Variants in KCNJ3 observed in about 807,000 individuals in gnomAD.
The protein encoded by KCNJ3 is potassium inwardly rectifying channel subfamily J member 3, also known as G protein-activated inward rectifier potassium channel 1.
In KCNJ3, 4 loss-of-function variants were observed where a neutral mutation model predicts 39.2. That is an observed-to-expected ratio of 0.10 (90% CI 0.05 to 0.23). The LOEUF is 0.23. KCNJ3 is among the 10% of genes least tolerant of loss of function. The pLI is 1.00. For missense variants in KCNJ3, 276 were observed against 634.9 expected, an observed-to-expected ratio of 0.43 and a Z score of 6.08; for synonymous variants, 230 against 237.4, an observed-to-expected ratio of 0.97 and a Z score of 0.29.
At chr2:154,835,404 T>C (rs1238563378) in intron 2 of KCNJ3, among the ~76,000 whole-genome samples, 2 of 142,236 alleles carry the variant, frequency 1.4e-5, no homozygotes, top group Non-Finnish European at 3.1e-5. Context: ...CAAAGGGATG[T>C]TAAAATTTGC....
At chr2:154,736,188 C>G (rs778939910) in intron 2 of KCNJ3, among the ~76,000 whole-genome samples, 1 of 151,772 alleles carries the variant, frequency 6.6e-6, no homozygotes, top group Admixed American at 6.6e-5. Flanking sequence ...CTAAGTTTGT[C>G]ATACATTGAT....
rs558747649 is a variant in KCNJ3, at chr2:154,741,673, T to C, written c.919+31854T>C. On this transcript the variant is annotated intron_variant, in intron 2 of 2. Transcript: ENST00000295101. ...GAAAACAGAATTTAGAAGATTGACT[T>C]GAGGTTTATGATGGCAGATTAAACA... Among the ~76,000 whole-genome samples, 46 of 152,020 alleles carry C rather than the reference T, an allele frequency of 3.0e-4. No individual in the cohort carries two copies. The South Asian group carries it at 4.1e-3, about 14-fold the overall frequency.
chr2:154,824,275 G>A (rs1687232454), intron 2 of KCNJ3, among the ~76,000 whole-genome samples: 1 of 152,124 alleles, frequency 6.6e-6, no homozygotes, highest in Non-Finnish European at 1.5e-5. Context: ...GGTCATGGGT[G>A]CAGTAAGCTG....
chr2:154,787,622 G>C (rs750223441), intron 2 of KCNJ3, among the ~76,000 whole-genome samples: 21 of 151,814 alleles, frequency 1.4e-4, no homozygotes, highest in Non-Finnish European at 2.6e-4. Flanking sequence ...ACAACAAGTA[G>C]CAATTAATAC....
intron 2 of KCNJ3, among the ~76,000 whole-genome samples, chr2:154,749,210 C>G (rs1050008892): frequency 1.3e-5 from 2 of 152,000 alleles, no homozygotes; most frequent in Admixed American, 6.6e-5. Flanking sequence ...GTAATAGATT[C>G]ATTGACAAGT....
At position 154,765,557 on chromosome 2, in the gene KCNJ3, T is replaced by G. The variant is rs141087363; in HGVS notation, c.919+55738T>G. Among the ~76,000 whole-genome samples the G allele has an allele frequency of 7.3e-3, 1,112 of 152,346 alleles. 10 individuals are homozygous for G. The highest frequency in any genetic ancestry group is 0.012 in the Non-Finnish European group (847 of 68,038). On this transcript the variant is annotated intron_variant, in intron 2 of 2. Transcript: ENST00000295101. ...TTTGTGAACTGAATGATCTTTGATT[T>G]TGGTTCTGTTTATTCCTACTACATA...
chr2:154,735,033 C>T (rs1685503119), intron 2 of KCNJ3, among the ~76,000 whole-genome samples: 1 of 151,568 alleles, frequency 6.6e-6, no homozygotes, highest in Non-Finnish European at 1.5e-5. Context: ...ATAGTGACGG[C>T]TTTAGCTATC....
intron 2 of KCNJ3, among the ~76,000 whole-genome samples, chr2:154,752,081 C>T (rs1685854424): frequency 6.6e-6 from 1 of 152,030 alleles, no homozygotes; most frequent in Admixed American, 6.6e-5. Context: ...GGCAATGTAA[C>T]TTCCTTTATT....
intron 2 of KCNJ3, among the ~76,000 whole-genome samples, chr2:154,741,370 C>T (rs1242909465): frequency 6.6e-6 from 1 of 151,740 alleles, no homozygotes. Context: ...ATTCAAACTA[C>T]CTTTTAAACA....
intron 2 of KCNJ3, among the ~76,000 whole-genome samples, chr2:154,827,396 C>T (rs377224681): frequency 7.0e-4 from 106 of 152,196 alleles, no homozygotes; most frequent in Middle Eastern, 3.4e-3. Flanking sequence ...TATTATCGTC[C>T]TGTGACTTAA....
intron 2 of KCNJ3, among the ~76,000 whole-genome samples, chr2:154,797,655 C>A (rs1686745510): frequency 6.6e-6 from 1 of 151,906 alleles, no homozygotes; most frequent in African/African-American, 2.4e-5. Flanking sequence ...TAAATATATT[C>A]ATATAAAATC....
At chr2:154,730,276 G>A (rs1036014094) in intron 2 of KCNJ3, among the ~76,000 whole-genome samples, 24 of 151,976 alleles carry the variant, frequency 1.6e-4, no homozygotes. Context: ...AAAAAATTGA[G>A]TAGTTTTAGT....
At chr2:154,749,374 G>T (rs1685799652) in intron 2 of KCNJ3, among the ~76,000 whole-genome samples, 1 of 152,076 alleles carries the variant, frequency 6.6e-6, no homozygotes, top group African/African-American at 2.4e-5. Flanking sequence ...GCTTCGTTAT[G>T]GTTCCTGCAG....
At chr2:154,800,599 C>T (rs1004251107) in intron 2 of KCNJ3, among the ~76,000 whole-genome samples, 2 of 152,020 alleles carry the variant, frequency 1.3e-5, no homozygotes, top group Non-Finnish European at 2.9e-5. Context: ...TTAATTGAGC[C>T]TTAGTATTTA....
intron 2 of KCNJ3, among the ~76,000 whole-genome samples, chr2:154,754,064 A>T (rs947087648): frequency 5.3e-5 from 8 of 152,162 alleles, no homozygotes; most frequent in Non-Finnish European, 1.2e-4. Context: ...TTACTTTAGA[A>T]TAGTTTTGGA....
chr2:154,767,943 G>T (rs918541551), intron 2 of KCNJ3, among the ~76,000 whole-genome samples: 1 of 152,108 alleles, frequency 6.6e-6, no homozygotes. Context: ...GCCAGTGATG[G>T]TGAGCATTTT....
In KCNJ3 at chr2:154,851,050, G is replaced by A. The variant is rs116254247; in HGVS notation, c.920-3677G>A. On this transcript the variant is annotated intron_variant, in intron 2 of 2. Coordinates refer to ENST00000295101, the MANE Select transcript of KCNJ3 (RefSeq NM_002239.4). Reference sequence around the variant, plus strand: ...GGATTACTTGAGGCTAGGAATTTGAGAGCAGCCTTTTGTGAGACCCCATCT... The same window carrying A: ...GGATTACTTGAGGCTAGGAATTTGAAAGCAGCCTTTTGTGAGACCCCATCT... Among the ~76,000 whole-genome samples the A allele has an allele frequency of 2.4e-3, 362 of 152,012 alleles. 2 individuals carry two copies. The highest frequency in any genetic ancestry group is 8.2e-3 in the African/African-American group (338 of 41,458).
In KCNJ3 at chr2:154,699,123, C is replaced by G. The variant is rs372475497; in HGVS notation, c.348C>G (p.His116Gln). Residue 116 changes from histidine to glutamine, a missense_variant, in exon 1 of 3, where the codon CAC becomes CAG. Coordinates refer to ENST00000295101, the MANE Select transcript of KCNJ3 (RefSeq NM_002239.4). This position sits in a 1 kb window ranked among gnomAD's most constrained non-coding sequence, Gnocchi z 6.4. ...CTCGGGGCGACCTGAACAAAGCCCACGTCGGTAACTACACGCCTTGCGTGG... is the reference window on the plus strand; with the variant it reads ...CTCGGGGCGACCTGAACAAAGCCCAGGTCGGTAACTACACGCCTTGCGTGG... ...AYTRGDLNKAHVGNYTPCVAN... is the reference protein window; with the variant it reads ...AYTRGDLNKAQVGNYTPCVAN... 5.0e-6 allele frequency: 8 copies of G among 1,614,244 alleles called. No individual in the cohort carries two copies. Among genetic ancestry groups the G allele is most frequent in the Non-Finnish European group, 6.8e-6 (8 of 1,180,050 alleles).
At chr2:154,818,389 A>T (rs1687116250) in intron 2 of KCNJ3, among the ~76,000 whole-genome samples, 2 of 152,128 alleles carry the variant, frequency 1.3e-5, no homozygotes, top group Non-Finnish European at 2.9e-5. Flanking sequence ...GCATCCTGTC[A>T]TAGACCAGTG....
Sources: allele counts gnomAD v4.1 joint callset (sites outside exome capture counted in the v4.1 genomes callset), GRCh38; gene constraint gnomAD v4.1.1; non-coding constraint Gnocchi (gnomAD v3.1); transcripts MANE v1.5; gene names NCBI Gene and HGNC (gene_info 2026-07-23, HGNC 2026-07-21).